TM4SF19: variants seen among roughly 807,000 people sequenced by gnomAD.
The protein encoded by TM4SF19 is transmembrane 4 L6 family member 19.
TM4SF19 carries 17 observed loss-of-function variants against 21.8 expected under a neutral mutation model. The observed-to-expected ratio is 0.78, with a 90% CI of 0.53 to 1.17. TM4SF19 has a LOEUF of 1.17. Among genes scored for constraint, TM4SF19 ranks in the 50% most tolerant of loss-of-function variants. TM4SF19 has a pLI of 0.00. For missense variants in TM4SF19, 216 were observed against 252.1 expected (o/e 0.86, Z 0.97); for synonymous variants, 107 against 106.7 (o/e 1.00, Z -0.02).
In TM4SF19 at chr3:196,327,015, G is replaced by A. The variant is rs1251606404; in HGVS notation, c.219C>T (p.Ile73=). 1.2e-5 allele frequency: 19 copies of A among 1,610,470 alleles called. No individual in the cohort carries two copies. The South Asian group carries it at 1.8e-4, about 15-fold the overall frequency. The part of the protein sequence containing the change: ...GGGLMVLTAA[I]LISLMGWRYG... ...ATCTCCAGCCCATCAAGGAGATGAG[G>A]ATAGCTGCAGTGAGTACCTGCAGGA... The change falls in exon 3 of 5, where the codon ATC becomes ATT. Residue 73 remains isoleucine, a synonymous_variant. Transcript: ENST00000273695.
intron 2 of TM4SF19, 128 bp downstream of exon 2, chr3:196,327,262 C>CA: frequency 1.0e-6 from 1 of 981,270 alleles, no homozygotes; most frequent in Non-Finnish European, 1.5e-6. Flanking sequence ...AGAGCTTCTA[C>CA]AGACCCAAGA....
At chr3:196,334,846 T>C in intron 1 of TM4SF19, among the ~76,000 whole-genome samples, 1 of 63,946 alleles carries the variant, frequency 1.6e-5, no homozygotes, top group Non-Finnish European at 2.9e-5. Context: ...AGGTGGGGGT[T>C]AGGAGAAGGG....
In TM4SF19 at chr3:196,325,395, T is replaced by C. The variant is rs2108805336; in HGVS notation, c.280-955A>G. The C allele has an allele frequency of 6.6e-6, 1 of 152,208 alleles. No homozygotes were observed. Among genetic ancestry groups the C allele is most frequent in the South Asian group, 2.1e-4 (1 of 4,822 alleles). The allele number at this position is 152,208 out of a possible 1,614,324, so 9.4% of individuals were successfully genotyped here. A position where few individuals can be genotyped will look rare whatever the true frequency, so the allele number is the denominator to read the frequency against. The stretch of plus-strand genomic sequence containing the variant: ...TTTTGTATTTTTAGTAGAAATGGGG[T>C]TTCACTGTGTTGGTCATGCCGGTCT... On this transcript the variant is annotated intron_variant, in intron 3 of 4. Transcript: ENST00000273695. The surrounding 1 kb of genome is among the most constrained non-coding windows in gnomAD (Gnocchi z 4.3).
rs774462009 is a variant in TM4SF19, at chr3:196,323,949, G to A, written c.498C>T (p.Pro166=). The A allele has an allele frequency of 6.2e-7, 1 of 1,614,074 alleles. No homozygotes were observed. The highest frequency in any genetic ancestry group is 1.1e-5 in the South Asian group (1 of 91,080). ...RSLWNSVCLE[P]SAAVVWHVSL... is the part of the protein sequence containing the mutation. ...ACACGTGCCAGACAACAGCTGCAGA[G>A]GGCTCCAGGCAGACGGAGTTCCAGA... The change falls in exon 5 of 5, where the codon CCC becomes CCT. Residue 166 remains proline (P), a synonymous_variant. Transcript: ENST00000273695.
chr3:196,334,611 G>A (rs1410688042), intron 1 of TM4SF19, among the ~76,000 whole-genome samples: 1 of 151,944 alleles, frequency 6.6e-6, no homozygotes, highest in African/African-American at 2.4e-5. Context: ...ACACCACCAT[G>A]CCCGGCTAAT....
chr3:196,332,286 C>T (rs936555226), intron 1 of TM4SF19, among the ~76,000 whole-genome samples: 5 of 150,602 alleles, frequency 3.3e-5, no homozygotes, highest in East Asian at 3.9e-4. Context: ...TGGTGGTGTG[C>T]GCCTGTAATC....
intron 1 of TM4SF19, among the ~76,000 whole-genome samples, chr3:196,335,921 G>C (rs554690974): frequency 2.8e-4 from 43 of 152,212 alleles, no homozygotes; most frequent in Non-Finnish European, 6.0e-4. Flanking sequence ...CGGGGCCCAA[G>C]GAAAGATGGG....
chr3:196,337,294 A>G (rs1727802563), intron 1 of TM4SF19, among the ~76,000 whole-genome samples: 1 of 151,992 alleles, frequency 6.6e-6, no homozygotes, highest in African/African-American at 2.4e-5. Context: ...ATTCTAATCA[A>G]GTGTGGTAAG....
At chr3:196,329,877 GT>G (rs572956021) in intron 1 of TM4SF19, among the ~76,000 whole-genome samples, 29 of 107,818 alleles carry the variant, frequency 2.7e-4, no homozygotes, top group Non-Finnish European at 2.6e-4. Flanking sequence ...GTGTTGTTTT[GT>G]TTTTTTTTTT....
chr3:196,326,850 C>G (rs1416497418), intron 3 of TM4SF19, 105 bp downstream of exon 3: 1 of 797,828 alleles, frequency 1.3e-6, no homozygotes, highest in East Asian at 2.6e-5. Context: ...CAGTGAGGAC[C>G]TGACTTCAGG....
chr3:196,329,106 G>C lies in TM4SF19; in HGVS notation c.-1-1515C>G, dbSNP rs1205968328. On this transcript the variant is annotated intron_variant, in intron 1 of 4. Transcript: ENST00000273695. The stretch of plus-strand genomic sequence containing the variant: ...TTACAGGTGCCCGCCACCATGCCCG[G>C]TAATTTTTTGTATTTTTAGTAGAGA... Among the ~76,000 whole-genome samples the C allele has an allele frequency of 5.5e-5, 7 of 126,964 alleles. 1 individual carries two copies. The highest frequency in any genetic ancestry group is 5.3e-4 in the South Asian group (2 of 3,792). The allele number at this position is 126,964 out of a possible 152,430, so 83.3% of individuals were successfully genotyped here.
At position 196,327,033 on chromosome 3, in the gene TM4SF19, C is replaced by A; in HGVS notation, c.202-1G>T. 1 of 1,603,020 alleles carries A rather than the reference C, an allele frequency of 6.2e-7. No homozygotes were observed. Among genetic ancestry groups the A allele is most frequent in the East Asian group, 2.2e-5 (1 of 44,502 alleles). On this transcript the variant is annotated splice_acceptor_variant, in intron 2 of 4. Coordinates refer to ENST00000273695, the MANE Select transcript of TM4SF19 (RefSeq NM_138461.4). LOFTEE classifies it high-confidence loss of function. ...AGATGAGGATAGCTGCAGTGAGTAC[C>A]TGCAGGAGAGAGAAGAATGTTGAGA...
intron 3 of TM4SF19, among the ~76,000 whole-genome samples, chr3:196,326,560 A>G (rs1010859484): frequency 1.3e-5 from 2 of 152,154 alleles, no homozygotes; most frequent in African/African-American, 4.8e-5. Flanking sequence ...TCTCTGGAAA[A>G]CTTTCCTGTT....
chr3:196,332,504 A>T (rs1026503542), intron 1 of TM4SF19, among the ~76,000 whole-genome samples: 18 of 150,292 alleles, frequency 1.2e-4, no homozygotes, highest in Admixed American at 1.1e-3. Context: ...GGGAAGAAAA[A>T]AAATATATAT....
At chr3:196,335,765 C>A (rs1727733070) in intron 1 of TM4SF19, among the ~76,000 whole-genome samples, 2 of 152,076 alleles carry the variant, frequency 1.3e-5, no homozygotes, top group Non-Finnish European at 2.9e-5. Flanking sequence ...GCTGCGATGT[C>A]CCCGCATGTC....
intron 1 of TM4SF19, among the ~76,000 whole-genome samples, chr3:196,334,568 C>T (rs1727647472): frequency 1.3e-5 from 2 of 152,052 alleles, no homozygotes; most frequent in South Asian, 4.1e-4. Context: ...ATTGTTCTGC[C>T]TCAGACTCCC....
rs544134464 is a variant in TM4SF19 at position 196,332,848 on chromosome 3, ATTTTT to A, written c.-1-5262_-1-5258del. ...CTGACTCACAATGGTTCAACTTACA[ATTTTT>A]TTTTTTTTTTTTTTTTTGAGACAGG... On this transcript the variant is annotated intron_variant, in intron 1 of 4. Coordinates refer to ENST00000273695, the MANE Select transcript of TM4SF19 (RefSeq NM_138461.4). Among the ~76,000 whole-genome samples the A allele has an allele frequency of 1.0e-3, 125 of 120,852 alleles. 1 individual carries two copies. Among genetic ancestry groups the A allele is most frequent in the African/African-American group, 3.7e-3 (120 of 32,804 alleles). The allele number at this position is 120,852 out of a possible 152,430, so 79.3% of individuals were successfully genotyped here.
At chr3:196,328,966 C>T (rs774796537) in intron 1 of TM4SF19, among the ~76,000 whole-genome samples, 9 of 151,716 alleles carry the variant, frequency 5.9e-5, no homozygotes, top group Non-Finnish European at 1.2e-4. Flanking sequence ...TTTCTTGAGA[C>T]GGAGTCTCGC....
At chr3:196,331,824 T>G (rs1010527408) in intron 1 of TM4SF19, among the ~76,000 whole-genome samples, 6 of 151,938 alleles carry the variant, frequency 3.9e-5, no homozygotes, top group Non-Finnish European at 5.9e-5. Context: ...GAGGTCTCCT[T>G]ATGTGGCCCA....
Sources: gnomAD v4.1 joint callset for allele counts (sites outside exome capture counted in the v4.1 genomes callset) on GRCh38, gnomAD v4.1.1 for gene constraint, Gnocchi (gnomAD v3.1) non-coding constraint, MANE v1.5 for transcripts, NCBI Gene and HGNC (gene_info 2026-07-23, HGNC 2026-07-21) for gene names.